Variants in AGBL4 observed in about 807,000 individuals in gnomAD.
AGBL4 encodes cytosolic carboxypeptidase 6.
In AGBL4, 58 loss-of-function variants were observed where a neutral mutation model predicts 66.4. The ratio of observed to expected loss-of-function variants is 0.87; its 90% CI spans 0.71 to 1.09. AGBL4 has a LOEUF of 1.09. AGBL4 is among the 50% of genes least tolerant of loss of function. AGBL4 has a pLI of 0.00. For synonymous variants in AGBL4, 234 were observed against 222.9 expected (o/e 1.05, Z -0.44); for missense variants, 579 against 631.0 (o/e 0.92, Z 0.88).
chr1:49,384,587 C>G (rs1644696313), intron 3 of AGBL4, among the ~76,000 whole-genome samples: 1 of 151,790 alleles, frequency 6.6e-6, no homozygotes, highest in Non-Finnish European at 1.5e-5. Context: ...AGTGAGACTC[C>G]ATCTAAAAAC....
intron 6 of AGBL4, among the ~76,000 whole-genome samples, chr1:48,745,316 G>T (rs1053132893): frequency 1.3e-5 from 2 of 152,158 alleles, no homozygotes; most frequent in African/African-American, 4.8e-5. Flanking sequence ...CTTGGAGTCC[G>T]AGAAGTAGAA....
At chr1:49,007,611 T>A (rs1182639775) in intron 5 of AGBL4, among the ~76,000 whole-genome samples, 2 of 151,900 alleles carry the variant, frequency 1.3e-5, no homozygotes, top group Non-Finnish European at 2.9e-5. Context: ...GAAAAAATGT[T>A]AAGGGAAGCC....
intron 3 of AGBL4, among the ~76,000 whole-genome samples, chr1:49,644,510 A>G (rs1275667678): frequency 1.3e-5 from 2 of 151,584 alleles, no homozygotes; most frequent in Non-Finnish European, 3.0e-5. Context: ...GTCTATATTA[A>G]TATCAAAGTC....
chr1:48,957,644 A>G (rs1027362420), intron 5 of AGBL4, among the ~76,000 whole-genome samples: 2 of 152,218 alleles, frequency 1.3e-5, no homozygotes, highest in African/African-American at 4.8e-5. Flanking sequence ...GCTGTCCCAC[A>G]GCTGCTTCTC....
At chr1:48,546,838 C>T (rs1294257063) in intron 11 of AGBL4, among the ~76,000 whole-genome samples, 1 of 145,558 alleles carries the variant, frequency 6.9e-6, no homozygotes, top group African/African-American at 2.6e-5. Flanking sequence ...GAAGCAGAGA[C>T]AAATAGCGAG....
chr1:49,861,655 C>T (rs1646575873), intron 1 of AGBL4, among the ~76,000 whole-genome samples: 1 of 152,152 alleles, frequency 6.6e-6, no homozygotes, highest in South Asian at 2.1e-4. Context: ...TGAGCTACCT[C>T]AACACAGCTA....
intron 4 of AGBL4, among the ~76,000 whole-genome samples, chr1:49,161,233 A>C (rs1646535090): frequency 6.6e-6 from 1 of 152,212 alleles, no homozygotes; most frequent in Admixed American, 6.5e-5. Context: ...CCATAGGAAA[A>C]GCACAGTATC....
intron 6 of AGBL4, among the ~76,000 whole-genome samples, chr1:48,786,019 A>G (rs1290242618): frequency 1.3e-5 from 2 of 152,078 alleles, no homozygotes. Flanking sequence ...TAGACTTAAA[A>G]AAAAAAAAGA....
intron 2 of AGBL4, among the ~76,000 whole-genome samples, chr1:49,831,744 G>C (rs1019612026): frequency 1.3e-5 from 2 of 152,108 alleles, no homozygotes; most frequent in African/African-American, 4.8e-5. Flanking sequence ...CTGGCTGTGG[G>C]TTTGTCATAA....
chr1:49,413,982 CA>C (rs373194851), intron 3 of AGBL4, among the ~76,000 whole-genome samples: 4 of 151,448 alleles, frequency 2.6e-5, no homozygotes, highest in Admixed American at 1.3e-4. Flanking sequence ...ACAAATAAAA[CA>C]AAAAAAATCA....
intron 6 of AGBL4, among the ~76,000 whole-genome samples, chr1:48,860,587 G>T (rs560676519): frequency 6.6e-6 from 1 of 152,318 alleles, no homozygotes; most frequent in South Asian, 2.1e-4. Flanking sequence ...AGAAAAAAAG[G>T]CTGCTGCATA....
chr1:50,007,704 C>T (rs1427718042), intron 1 of AGBL4, among the ~76,000 whole-genome samples: 1 of 152,106 alleles, frequency 6.6e-6, no homozygotes, highest in East Asian at 1.9e-4. Flanking sequence ...GATGTCAAGA[C>T]TGAGTGAGAC....
At chr1:49,726,297 T>C (rs906863143) in intron 2 of AGBL4, among the ~76,000 whole-genome samples, 2 of 152,152 alleles carry the variant, frequency 1.3e-5, no homozygotes, top group African/African-American at 4.8e-5. Flanking sequence ...GCATAAAATA[T>C]ATAGAAAAAT....
intron 1 of AGBL4, among the ~76,000 whole-genome samples, chr1:50,012,655 T>A (rs940033762): frequency 6.6e-6 from 1 of 152,186 alleles, no homozygotes; most frequent in Non-Finnish European, 1.5e-5. Flanking sequence ...AATATGTATA[T>A]GTTCAGAGAA....
chr1:49,971,582 C>G (rs1658087580), intron 1 of AGBL4, among the ~76,000 whole-genome samples: 1 of 152,094 alleles, frequency 6.6e-6, no homozygotes, highest in Non-Finnish European at 1.5e-5. Context: ...AAGGAATCTT[C>G]TAGCTGAAAC....
intron 3 of AGBL4, among the ~76,000 whole-genome samples, chr1:49,639,298 A>C (rs1277501896): frequency 6.6e-6 from 1 of 152,326 alleles, no homozygotes; most frequent in Middle Eastern, 3.4e-3. Flanking sequence ...GAAAGGTAGG[A>C]CAGTAATTTA....
chr1:49,365,863 C>T (rs1478561676), intron 3 of AGBL4, among the ~76,000 whole-genome samples: 4 of 151,942 alleles, frequency 2.6e-5, no homozygotes, highest in Admixed American at 2.6e-4. Context: ...AGGTAGTAGA[C>T]AATTAGAAAG....
chr1:48,554,810 CAGTT>C (rs1445538603), intron 11 of AGBL4, among the ~76,000 whole-genome samples: 3 of 152,188 alleles, frequency 2.0e-5, no homozygotes, highest in Admixed American at 1.3e-4. Flanking sequence ...TAATACCACT[CAGTT>C]AGCAAGCGGA....
intron 11 of AGBL4, among the ~76,000 whole-genome samples, chr1:48,554,158 C>G (rs1287276949): frequency 6.6e-6 from 1 of 152,156 alleles, no homozygotes; most frequent in African/African-American, 2.4e-5. Flanking sequence ...GCTGGAGGGA[C>G]AGGACATGGG....
Sources: allele counts gnomAD v4.1 joint callset (sites outside exome capture counted in the v4.1 genomes callset), GRCh38; gene constraint gnomAD v4.1.1; transcripts MANE v1.5; gene names NCBI Gene and HGNC (gene_info 2026-07-23, HGNC 2026-07-21).